The following SH3TC2 variants were observed in gnomAD, a reference collection of about 807,000 sequenced individuals.
SH3TC2 encodes SH3 domain and tetratricopeptide repeat-containing protein 2.
A neutral mutation model predicts 124.5 loss-of-function variants in SH3TC2; 87 were observed. The ratio of observed to expected loss-of-function variants is 0.70; its 90% confidence interval spans 0.59 to 0.84. The LOEUF is 0.84. Ranked by LOEUF, SH3TC2 falls within the 40% of genes least tolerant of loss-of-function variation. The probability of loss-of-function intolerance (pLI) is 0.00; values close to 1 mark genes in which losing one functional copy is unlikely to be tolerated. For synonymous variants in SH3TC2, 634 were observed against 628.5 expected, an observed-to-expected ratio of 1.01 and a Z score of -0.13; for missense variants, 1,536 against 1,566.4, an observed-to-expected ratio of 0.98 and a Z score of 0.33.
intron 1 of SH3TC2, among the ~76,000 whole-genome samples, chr5:149,054,130 C>A (rs773577127): frequency 6.6e-6 from 1 of 152,080 alleles, no homozygotes; most frequent in African/African-American, 2.4e-5. Flanking sequence ...TTGTATACAC[C>A]TATATCAAAA....
At position 149,052,773 on chromosome 5, in the gene SH3TC2, C is replaced by T. The variant is rs528364519; in HGVS notation, c.53-533G>A. ...CTCTGAAAAGTTACTGTCTTCACAA[C>T]GGTAGAAGTGGAGTAAAAAGAAGAA... On this transcript the variant is annotated intron_variant, in intron 1 of 16. Coordinates refer to ENST00000515425, the MANE Select transcript of SH3TC2 (RefSeq NM_024577.4). Among the ~76,000 whole-genome samples the T allele has an allele frequency of 1.2e-4, 18 of 152,110 alleles. No individual in the cohort carries two copies. The South Asian group carries it at 2.5e-3, about 21-fold the overall frequency.
chr5:148,983,984 T>G lies in SH3TC2; in HGVS notation c.*20727A>C, dbSNP rs1268704820. On this transcript the variant is annotated 3_prime_UTR_variant, in exon 17 of 17. Transcript: ENST00000515425. The stretch of plus-strand genomic sequence containing the variant: ...AGTCACTTGAACCAATACATTTTTT[T>G]AAAATTACTTAAGCCAGTTTGAGTT... Among the ~76,000 whole-genome samples the G allele has an allele frequency of 6.6e-6, 1 of 152,222 alleles. No individual in the cohort carries two copies. The highest frequency in any genetic ancestry group is 1.5e-5 in the Non-Finnish European group (1 of 68,028).
intron 12 of SH3TC2, among the ~76,000 whole-genome samples, chr5:149,018,272 T>C (rs765978432): frequency 2.0e-5 from 3 of 152,144 alleles, no homozygotes; most frequent in Non-Finnish European, 4.4e-5. Flanking sequence ...TGGATACCCA[T>C]TGCAACCCCC....
In SH3TC2 at chr5:149,002,673, C is replaced by T. The variant is rs1753616859; in HGVS notation, c.*2038G>A. On this transcript the variant is annotated 3_prime_UTR_variant, in exon 17 of 17. Coordinates refer to ENST00000515425, the MANE Select transcript of SH3TC2 (RefSeq NM_024577.4). ...AGATGGTCTGATAATAAAAGCTAAG[C>T]TGATGGGCATCAGATGCAGGGAATT... 6.6e-6 allele frequency: 1 copy of T among 152,216 alleles called. No individual in the cohort carries two copies. Among genetic ancestry groups the T allele is most frequent in the Admixed American group, 6.5e-5 (1 of 15,288 alleles). 9.4% of individuals were successfully genotyped at this position (152,216 alleles called of 1,614,324 possible).
chr5:149,015,688 A>G (rs1400586581), intron 12 of SH3TC2, among the ~76,000 whole-genome samples: 3 of 152,086 alleles, frequency 2.0e-5, no homozygotes, highest in African/African-American at 7.2e-5. Context: ...AGTGACCCCA[A>G]TACACCTGCA....
rs1452422454 is a variant in SH3TC2, at chr5:149,006,892, A to C, written c.3664T>G (p.Cys1222Gly). 6.2e-7 allele frequency: 1 copy of C among 1,613,646 alleles called. No homozygotes were observed. The highest frequency in any genetic ancestry group is 1.1e-5 in the South Asian group (1 of 91,054). ...VYYRLGRLTF[C>G]QLKDAHDATE... ...AGTCTGGCTCTTACCTTCAGCTGGC[A>C]GAAGGTGAGTCTGCCCAGGCGATAA... Residue 1222 changes from cysteine to glycine, a missense_variant, in exon 16 of 17, where the codon TGC becomes GGC. By Grantham distance (159) the Cys-to-Gly change is radical. Around this residue, in one of 3 missense-constraint regions of SH3TC2, gnomAD observed 426 missense variants for 443.5 expected, o/e 0.96. Transcript: ENST00000515425.
Position 148,982,488 on chromosome 5 carries a change from C to A in SH3TC2, c.*22223G>T, listed in dbSNP as rs2127386318. On this transcript the variant is annotated 3_prime_UTR_variant, in exon 17 of 17. Transcript: ENST00000515425. ...ACAGTAGCACAGTATCAAAAATAAC[C>A]AAATTGACACCACTAGAGAACCAGC... is the stretch of plus-strand genomic sequence containing the variant. Among the ~76,000 whole-genome samples, 2 of 152,192 alleles carry A rather than the reference C, an allele frequency of 1.3e-5. No homozygotes were observed. The highest frequency in any genetic ancestry group is 6.8e-3 in the Middle Eastern group (2 of 294).
intron 2 of SH3TC2, among the ~76,000 whole-genome samples, chr5:149,050,423 G>A (rs962278241): frequency 1.3e-5 from 2 of 152,158 alleles, no homozygotes; most frequent in Admixed American, 6.5e-5. Context: ...TGACCTTCCT[G>A]GAAACAGCAT....
intron 1 of SH3TC2, 47 bp downstream of exon 1, chr5:149,062,924 A>G (rs1237524213): frequency 1.1e-5 from 17 of 1,545,194 alleles, no homozygotes; most frequent in Non-Finnish European, 1.5e-5. Flanking sequence ...CTACTGGACC[A>G]TCCACTTTGG....
In SH3TC2 at chr5:149,027,764, G is replaced by T. The variant is rs114797709; in HGVS notation, c.1968C>A (p.Ala656=). The T allele has an allele frequency of 2.5e-6, 4 of 1,613,850 alleles. No individual in the cohort carries two copies. Among genetic ancestry groups the T allele is most frequent in the Non-Finnish European group, 3.4e-6 (4 of 1,179,976 alleles). Residue 656 remains alanine (A), a synonymous_variant, in exon 11 of 17, where the codon GCC becomes GCA. Transcript: ENST00000515425. ...LGRHEEVLPF[A]ERLQLLSGHP... ...GTCCAGAGAGGAGCTGCAGGCGCTC[G>T]GCAAAGGGCAGGACCTCCTCGTGCC...
Position 149,027,093 on chromosome 5 carries a change from G to T in SH3TC2, c.2639C>A (p.Ala880Asp). The T allele has an allele frequency of 6.2e-7, 1 of 1,614,122 alleles. No individual in the cohort carries two copies. The highest frequency in any genetic ancestry group is 1.1e-5 in the South Asian group (1 of 91,084). The change falls in exon 11 of 17, where the codon GCC (alanine) becomes GAC (aspartate). Residue 880 changes from alanine to aspartate, a missense_variant. Ala to Asp is a moderately radical substitution (Grantham distance 126, BLOSUM62 -2). Transcript: ENST00000515425. ...CTTAAGGCTCAGGTGGCCAAGATTG[G>T]CCATAGCCACTGCCTGGTTATGCAC... ...GDVHNQAVAM[A>D]NLGHLSLKSW...
Position 148,996,352 on chromosome 5 carries a change from G to C in SH3TC2, c.*8359C>G, listed in dbSNP as rs1474934386. Among the ~76,000 whole-genome samples, 2 of 152,068 alleles carry C rather than the reference G, an allele frequency of 1.3e-5. No individual in the cohort carries two copies. The highest frequency in any genetic ancestry group is 2.9e-5 in the Non-Finnish European group (2 of 68,014). Reference sequence around the variant, plus strand: ...AAAGAATGCCACAGGACTTGGAAGAGGATCAGAATATCAGTTTATATAAGC... The same window carrying C: ...AAAGAATGCCACAGGACTTGGAAGACGATCAGAATATCAGTTTATATAAGC... On this transcript the variant is annotated 3_prime_UTR_variant, in exon 17 of 17. Transcript: ENST00000515425.
chr5:149,050,888 A>G (rs36080), intron 2 of SH3TC2, among the ~76,000 whole-genome samples: 41,841 of 152,112 alleles, frequency 0.28, 6,284 homozygotes, highest in African/African-American at 0.37. Flanking sequence ...GGAGCATTGT[A>G]GTTTTGAACA....
intron 1 of SH3TC2, among the ~76,000 whole-genome samples, chr5:149,057,814 G>A (rs1754677323): frequency 6.6e-6 from 1 of 152,208 alleles, no homozygotes; most frequent in South Asian, 2.1e-4. Context: ...CCCAGTCTAT[G>A]TAGTCTATAT....
intron 3 of SH3TC2, 146 bp downstream of exon 3, chr5:149,047,716 A>G: frequency 9.2e-7 from 1 of 1,086,042 alleles, no homozygotes; most frequent in Non-Finnish European, 1.4e-6. Flanking sequence ...GAGAATGTGC[A>G]CGGAATCTTT....
chr5:149,012,071 T>C lies in SH3TC2; in HGVS notation c.3204+513A>G, dbSNP rs1041081812. On this transcript the variant is annotated intron_variant, in intron 13 of 16. Coordinates refer to ENST00000515425, the MANE Select transcript of SH3TC2 (RefSeq NM_024577.4). ...AGCCCAAAGTCACACAGTCAGTCCA[T>C]ATGTGATGGCCCTGGGATTTGACTC... Among the ~76,000 whole-genome samples, 4 of 152,146 alleles carry C rather than the reference T, an allele frequency of 2.6e-5. No individual in the cohort carries two copies. In the East Asian group the frequency reaches 7.7e-4, roughly 29 times the overall value.
At position 149,027,820 on chromosome 5, in the gene SH3TC2, G is replaced by C. The variant is rs753294426; in HGVS notation, c.1912C>G (p.Leu638Val). Residue 638 changes from leucine (L) to valine (V), a missense_variant, in exon 11 of 17, where the codon CTG becomes GTG. Physicochemically the swap from Leu to Val is conservative, Grantham distance 32. Around this residue, in one of 3 missense-constraint regions of SH3TC2, gnomAD observed 1,102 missense variants for 1,098.6 expected, o/e 1.00. Transcript: ENST00000515425. ...SSPLEARACFLAIRLLLSLGR... is the reference protein window; with the variant it reads ...SSPLEARACFVAIRLLLSLGR... ...AGGCTCAGGAGCAAGCGGATGGCCA[G>C]AAAGCAGGCCCTGGCCTCCAGCGGG... is the stretch of plus-strand genomic sequence containing the variant. 1 of 1,613,916 alleles carries C rather than the reference G, an allele frequency of 6.2e-7. No homozygotes were observed. The highest frequency in any genetic ancestry group is 1.7e-5 in the Admixed American group (1 of 60,032).
chr5:149,013,255 C>G (rs531181900), intron 12 of SH3TC2, among the ~76,000 whole-genome samples: 5 of 151,978 alleles, frequency 3.3e-5, no homozygotes, highest in African/African-American at 1.2e-4. Context: ...ATCATGGGGC[C>G]GTTACCCCCA....
intron 1 of SH3TC2, among the ~76,000 whole-genome samples, chr5:149,055,167 A>G (rs1754624132): frequency 1.3e-5 from 2 of 152,230 alleles, no homozygotes; most frequent in African/African-American, 4.8e-5. Flanking sequence ...GGAATAATGG[A>G]TAAATAGTAA....
Sources: allele counts gnomAD v4.1 joint callset (sites outside exome capture counted in the v4.1 genomes callset), GRCh38; gene constraint gnomAD v4.1.1; regional missense constraint gnomAD v4.1.1; transcripts MANE v1.5; gene names NCBI Gene and HGNC (gene_info 2026-07-23, HGNC 2026-07-21).